The following TTLL11 variants were observed in gnomAD, a reference collection of about 807,000 sequenced individuals.
TTLL11 encodes tubulin tyrosine ligase like 11.
Under a neutral mutation model 51.7 loss-of-function variants are expected in TTLL11, and 42 were observed. That is an observed-to-expected ratio of 0.81 (90% CI 0.64 to 1.05). The LOEUF (loss-of-function observed/expected upper bound fraction) is 1.05. Among genes scored for constraint, TTLL11 ranks in the 50% least tolerant of loss-of-function variants. The probability of loss-of-function intolerance (pLI) is 0.00; values close to 1 mark genes in which losing one functional copy is unlikely to be tolerated. For missense variants in TTLL11, 799 were observed against 940.4 expected, an observed-to-expected ratio of 0.85 and a Z score of 1.97; for synonymous variants, 381 against 383.5, an observed-to-expected ratio of 0.99 and a Z score of 0.08.
chr9:121,927,775 G>A (rs1840794635), intron 6 of TTLL11, among the ~76,000 whole-genome samples: 1 of 152,074 alleles, frequency 6.6e-6, no homozygotes, highest in Non-Finnish European at 1.5e-5. Flanking sequence ...AAGAGCTGCT[G>A]GAGTGCTGGG....
At chr9:121,982,113 C>T (rs1842841482) in intron 4 of TTLL11, among the ~76,000 whole-genome samples, 3 of 152,150 alleles carry the variant, frequency 2.0e-5, no homozygotes, top group Admixed American at 2.0e-4. Context: ...TCTTCAACTC[C>T]TCAACTCAAT....
chr9:121,901,601 C>T (rs896218754), intron 6 of TTLL11, among the ~76,000 whole-genome samples: 7 of 152,018 alleles, frequency 4.6e-5, no homozygotes, highest in African/African-American at 1.7e-4. Context: ...CTTTCCCTCC[C>T]CCGAGAACCA....
chr9:122,055,832 C>T (rs751912225), intron 1 of TTLL11, among the ~76,000 whole-genome samples: 2 of 152,076 alleles, frequency 1.3e-5, no homozygotes, highest in Non-Finnish European at 2.9e-5. Flanking sequence ...TGAACTGACT[C>T]TTGACGAAAA....
intron 8 of TTLL11, among the ~76,000 whole-genome samples, chr9:121,850,201 GA>G (rs1179958604): frequency 1.3e-5 from 2 of 152,260 alleles, no homozygotes; most frequent in East Asian, 3.9e-4. Flanking sequence ...GATAGATACA[GA>G]GATAGATATA....
chr9:121,973,229 C>A, intron 6 of TTLL11, among the ~76,000 whole-genome samples: 1 of 152,228 alleles, frequency 6.6e-6, no homozygotes, highest in South Asian at 2.1e-4. Context: ...TGGGTGGGGA[C>A]GAAGCAGAAT....
chr9:121,960,199 C>T (rs532234417), intron 6 of TTLL11, among the ~76,000 whole-genome samples: 1 of 152,234 alleles, frequency 6.6e-6, no homozygotes, highest in Non-Finnish European at 1.5e-5. Flanking sequence ...AATTTTATTT[C>T]GTTGAACTGT....
intron 6 of TTLL11, among the ~76,000 whole-genome samples, chr9:121,966,751 G>A (rs1460539381): frequency 6.6e-6 from 1 of 152,156 alleles, no homozygotes; most frequent in Non-Finnish European, 1.5e-5. Flanking sequence ...CAGGACCCAG[G>A]TTCCAGTCTA....
intron 6 of TTLL11, among the ~76,000 whole-genome samples, chr9:121,917,799 A>G (rs896835942): frequency 6.6e-6 from 1 of 152,190 alleles, no homozygotes; most frequent in Non-Finnish European, 1.5e-5. Flanking sequence ...AAATTCTTAC[A>G]TTGCTCCATA....
intron 6 of TTLL11, among the ~76,000 whole-genome samples, chr9:121,928,301 C>G (rs1199379613): frequency 1.3e-5 from 2 of 152,188 alleles, no homozygotes; most frequent in African/African-American, 2.4e-5. Context: ...TTAAAAACTG[C>G]ACCTATTTAG....
At chr9:122,007,400 G>A (rs1028051486) in intron 3 of TTLL11, among the ~76,000 whole-genome samples, 5 of 151,388 alleles carry the variant, frequency 3.3e-5, no homozygotes, top group African/African-American at 9.7e-5. Context: ...ACTTGAACCC[G>A]GGAGGCAGAG....
intron 6 of TTLL11, among the ~76,000 whole-genome samples, chr9:121,953,350 C>T (rs1389071149): frequency 6.6e-6 from 1 of 152,100 alleles, no homozygotes; most frequent in African/African-American, 2.4e-5. Flanking sequence ...TTAACCAAAG[C>T]AGCCAGGCAC....
At chr9:121,926,042 C>A (rs576618919) in intron 6 of TTLL11, among the ~76,000 whole-genome samples, 1 of 152,206 alleles carries the variant, frequency 6.6e-6, no homozygotes, top group South Asian at 2.1e-4. Context: ...CCAGTTTACG[C>A]GTGTGAAGGC....
rs568038038 is a variant in TTLL11, at chr9:121,947,289, G to GT, written c.1481+26719dup. On this transcript the variant is annotated intron_variant, in intron 6 of 8. Transcript: ENST00000321582. ...TACCCATCAGGAAGTGTTTTGTTTT[G>GT]TTTTTTGAAACCAGTTTGCCAGCAC... Among the ~76,000 whole-genome samples, 315 of 152,194 alleles carry GT rather than the reference G, an allele frequency of 2.1e-3. 1 individual carries two copies. The highest frequency in any genetic ancestry group is 7.2e-3 in the African/African-American group (298 of 41,534).
intron 1 of TTLL11, among the ~76,000 whole-genome samples, chr9:122,084,438 G>A (rs1014325063): frequency 2.6e-5 from 4 of 152,128 alleles, no homozygotes; most frequent in African/African-American, 9.7e-5. Flanking sequence ...CGAGGAGGAA[G>A]GAGAGATGCA....
At chr9:122,089,254 C>T (rs1355841672) in intron 1 of TTLL11, among the ~76,000 whole-genome samples, 1 of 152,126 alleles carries the variant, frequency 6.6e-6, no homozygotes, top group East Asian at 1.9e-4. Flanking sequence ...TGAGTACTCC[C>T]CAAACCCACA....
chr9:121,858,527 C>T (rs1239257657), intron 8 of TTLL11, among the ~76,000 whole-genome samples: 1 of 152,188 alleles, frequency 6.6e-6, no homozygotes, highest in Non-Finnish European at 1.5e-5. Context: ...CTACTAAACA[C>T]AAAGCCAAAC....
chr9:121,973,749 T>TA (rs945332198), intron 6 of TTLL11, among the ~76,000 whole-genome samples: 15 of 151,442 alleles, frequency 9.9e-5, no homozygotes, highest in Admixed American at 2.6e-4. Context: ...ATAATAATAA[T>TA]AAAAAAAAGG....
At chr9:121,975,455 TAA>T (rs1444726678) in intron 4 of TTLL11, among the ~76,000 whole-genome samples, 1 of 152,198 alleles carries the variant, frequency 6.6e-6, no homozygotes, top group African/African-American at 2.4e-5. Flanking sequence ...CTCATTCCTG[TAA>T]TCCCAGCACT....
At chr9:122,031,261 G>GT (rs1032786477) in intron 3 of TTLL11, among the ~76,000 whole-genome samples, 1 of 152,220 alleles carries the variant, frequency 6.6e-6, no homozygotes, top group African/African-American at 2.4e-5. Flanking sequence ...TCTGGAACAA[G>GT]TTTAAAGCAA....
Sources: allele counts gnomAD v4.1 joint callset (sites outside exome capture counted in the v4.1 genomes callset), GRCh38; gene constraint gnomAD v4.1.1; transcripts MANE v1.5; gene names NCBI Gene and HGNC (gene_info 2026-07-23, HGNC 2026-07-21).